Variants in IGF1R observed in about 807,000 individuals in gnomAD.
The protein encoded by IGF1R is insulin like growth factor 1 receptor.
In IGF1R, 44 loss-of-function variants were observed where a neutral mutation model predicts 144.6. That is an observed-to-expected ratio of 0.30 (90% CI 0.24 to 0.39). The LOEUF is 0.39. Among genes scored for constraint, IGF1R ranks in the 10% least tolerant of loss-of-function variants. IGF1R has a pLI of 1.00. For synonymous variants in IGF1R, 795 were observed against 722.8 expected (o/e 1.10, Z -1.60); for missense variants, 1,355 against 1,833.7 (o/e 0.74, Z 4.77).
At chr15:98,955,539 C>T (rs904097490) in intron 20 of IGF1R, among the ~76,000 whole-genome samples, 3 of 152,210 alleles carry the variant, frequency 2.0e-5, no homozygotes, top group Non-Finnish European at 4.4e-5. Context: ...CGGGCAGCCC[C>T]GGGTTAGGCC....
At position 98,960,236 on chromosome 15, in the gene IGF1R, CCT is replaced by C. The variant is rs1157674597; in HGVS notation, c.*2799_*2800del. Reference sequence around the variant, plus strand: ...CCGGGGTCAAAGCAACACTAACTCACCTCTCTGCTCATTTCAGACAGCTTGCC... The same window carrying C: ...CCGGGGTCAAAGCAACACTAACTCACCTCTGCTCATTTCAGACAGCTTGCC... On this transcript the variant is annotated 3_prime_UTR_variant, in exon 21 of 21. Transcript: ENST00000650285. 1 of 233,528 alleles carries C rather than the reference CCT, an allele frequency of 4.3e-6. No homozygotes were observed. Among genetic ancestry groups the C allele is most frequent in the African/African-American group, 2.2e-5 (1 of 45,364 alleles). 14.5% of individuals were successfully genotyped at this position (233,528 alleles called of 1,614,324 possible).
At chr15:98,694,132 C>T (rs977214534) in intron 1 of IGF1R, among the ~76,000 whole-genome samples, 3 of 152,112 alleles carry the variant, frequency 2.0e-5, no homozygotes, top group Admixed American at 1.3e-4. Flanking sequence ...TTTTATTCCT[C>T]TGGATTTTTT....
rs1366040895 is a variant in IGF1R, at chr15:98,911,371, A to G, written c.1519A>G (p.Ile507Val). 10 of 1,614,064 alleles carry G rather than the reference A, an allele frequency of 6.2e-6. No homozygotes were observed. The highest frequency in any genetic ancestry group is 2.2e-5 in the South Asian group (2 of 91,082). The change falls in exon 7 of 21, where the codon ATA (isoleucine) becomes GTA (valine). Residue 507 changes from isoleucine (I) to valine (V), a missense_variant. This residue lies in a region of IGF1R where 880 missense variants were observed against 1,202.7 expected (regional missense o/e 0.73). Coordinates refer to ENST00000650285, the MANE Select transcript of IGF1R (RefSeq NM_000875.5). ...STTTSKNRII[I>V]TWHRYRPPDY... The stretch of plus-strand genomic sequence containing the variant: ...CACCACGTCGAAGAATCGCATCATC[A>G]TAACCTGGCACCGGTACCGGCCCCC...
chr15:98,916,793 AGCCGAGAAGCAG>A lies in IGF1R; in HGVS notation c.2128_2139del (p.Gln710_Lys713del). On this transcript the variant is annotated inframe_deletion, in exon 10 of 21. Coordinates refer to ENST00000650285, the MANE Select transcript of IGF1R (RefSeq NM_000875.5). ...CTTGCTGCGCCTGCCCCAAAACTGA[AGCCGAGAAGCAG>A]GCCGAGAAGGAGGAGGCTGAATACC... 6.2e-7 allele frequency: 1 copy of A among 1,614,100 alleles called. No individual in the cohort carries two copies. The highest frequency in any genetic ancestry group is 8.5e-7 in the Non-Finnish European group (1 of 1,180,024).
At chr15:98,923,727 G>A (rs539557595) in intron 11 of IGF1R, 149 bp from the exon 12 acceptor site, 44 of 695,746 alleles carry the variant, frequency 6.3e-5, no homozygotes, top group African/African-American at 1.1e-4. Flanking sequence ...TGTCCTGCCC[G>A]CGTGGATGGG....
Position 98,957,164 on chromosome 15 carries a change from G to C in IGF1R, c.3826G>C (p.Glu1276Gln), listed in dbSNP as rs376681288. Residue 1276 changes from glutamate to glutamine, a missense_variant, in exon 21 of 21, where the codon GAG (glutamate) becomes CAG (glutamine). By Grantham distance (29) the Glu-to-Gln change is conservative. Around this residue, in one of 7 missense-constraint regions of IGF1R, gnomAD observed 219 missense variants for 188.8 expected, o/e 1.16. Coordinates refer to ENST00000650285, the MANE Select transcript of IGF1R (RefSeq NM_000875.5). ...AGAGGAGATGGAGCCTGGCTTCCGG[G>C]AGGTCTCCTTCTACTACAGCGAGGA... The part of the protein sequence containing the change: ...IKEEMEPGFR[E>Q]VSFYYSEENK... 2 of 1,614,252 alleles carry C rather than the reference G, an allele frequency of 1.2e-6. No homozygotes were observed. The highest frequency in any genetic ancestry group is 1.7e-6 in the Non-Finnish European group (2 of 1,180,056).
At chr15:98,776,171 T>A (rs2055708912) in intron 2 of IGF1R, among the ~76,000 whole-genome samples, 2 of 151,196 alleles carry the variant, frequency 1.3e-5, no homozygotes, top group South Asian at 4.1e-4. Flanking sequence ...AATTTAATTA[T>A]TTTTTATTAT....
At chr15:98,651,014 G>T (rs1314686744) in intron 1 of IGF1R, 1 of 985,164 alleles carries the variant, frequency 1.0e-6, no homozygotes, top group Non-Finnish European at 1.2e-6. Flanking sequence ...AAGATGGTAG[G>T]GTAATTTGAA....
At chr15:98,691,664 A>C (rs2053480348) in intron 1 of IGF1R, among the ~76,000 whole-genome samples, 1 of 151,996 alleles carries the variant, frequency 6.6e-6, no homozygotes, top group African/African-American at 2.4e-5. Context: ...TGCCCGGCCC[A>C]TGGTTTTCTT....
At chr15:98,850,871 T>C (rs994568745) in intron 2 of IGF1R, among the ~76,000 whole-genome samples, 2 of 152,074 alleles carry the variant, frequency 1.3e-5, no homozygotes, top group Non-Finnish European at 2.9e-5. Flanking sequence ...TTGGCAAGAC[T>C]TGATTGAGTG....
intron 7 of IGF1R, among the ~76,000 whole-genome samples, chr15:98,911,846 C>T (rs1478706052): frequency 1.3e-5 from 2 of 152,212 alleles, no homozygotes; most frequent in Non-Finnish European, 2.9e-5. Flanking sequence ...CCTGCAGGCA[C>T]GTGGCTCTTT....
Position 98,960,997 on chromosome 15 carries a change from G to A in IGF1R, c.*3555G>A, listed in dbSNP as rs1240683394. 3.0e-5 allele frequency: 7 copies of A among 233,700 alleles called. No individual in the cohort carries two copies. Among genetic ancestry groups the A allele is most frequent in the Non-Finnish European group, 5.9e-5 (7 of 118,118 alleles). The allele number at this position is 233,700 out of a possible 1,614,324, so 14.5% of individuals were successfully genotyped here. A position where few individuals can be genotyped will look rare whatever the true frequency, so the allele number is the denominator to read the frequency against. The stretch of plus-strand genomic sequence containing the variant: ...CCCTCTTCCAGCAGCTGCTCTTACA[G>A]GCACTGATGATTTCGCTGGGAAGTG... On this transcript the variant is annotated 3_prime_UTR_variant, in exon 21 of 21. Coordinates refer to ENST00000650285, the MANE Select transcript of IGF1R (RefSeq NM_000875.5).
chr15:98,745,519 G>A (rs2054842223), intron 2 of IGF1R, among the ~76,000 whole-genome samples: 1 of 152,220 alleles, frequency 6.6e-6, no homozygotes, highest in Non-Finnish European at 1.5e-5. Context: ...AAATAAGAGA[G>A]GACATCAGAA....
intron 1 of IGF1R, among the ~76,000 whole-genome samples, chr15:98,691,368 T>G (rs989060580): frequency 4.8e-5 from 3 of 62,146 alleles, no homozygotes; most frequent in East Asian, 3.2e-4. Flanking sequence ...GTTTTTTTTG[T>G]TTTTTTTTTT....
At chr15:98,928,798 C>T (rs2015826703) in intron 13 of IGF1R, among the ~76,000 whole-genome samples, 1 of 152,130 alleles carries the variant, frequency 6.6e-6, no homozygotes, top group South Asian at 2.1e-4. Flanking sequence ...CCCAGCCTAG[C>T]ATCTGCCATA....
intron 2 of IGF1R, among the ~76,000 whole-genome samples, chr15:98,800,068 G>A (rs2056329439): frequency 6.6e-6 from 1 of 152,172 alleles, no homozygotes; most frequent in Non-Finnish European, 1.5e-5. Flanking sequence ...AGGCTGCTGA[G>A]TCTAAAAAGT....
In IGF1R at chr15:98,961,192, T is replaced by A. The variant is rs1431446258; in HGVS notation, c.*3750T>A. ...GGGTTTTGTTCTTCCACACTGTAGG[T>A]GACCCCTTGGAATAACGGCCTCTCC... On this transcript the variant is annotated 3_prime_UTR_variant, in exon 21 of 21. Transcript: ENST00000650285. 4.3e-6 allele frequency: 1 copy of A among 233,504 alleles called. No individual in the cohort carries two copies. Among genetic ancestry groups the A allele is most frequent in the African/African-American group, 2.2e-5 (1 of 45,344 alleles). The allele number at this position is 233,504 out of a possible 1,614,324, so 14.5% of individuals were successfully genotyped here.
At chr15:98,795,651 C>A (rs1428493420) in intron 2 of IGF1R, among the ~76,000 whole-genome samples, 1 of 152,188 alleles carries the variant, frequency 6.6e-6, no homozygotes, top group East Asian at 1.9e-4. Flanking sequence ...CTCCTGACCT[C>A]GTGATCCACC....
intron 17 of IGF1R, among the ~76,000 whole-genome samples, chr15:98,938,341 G>A (rs1567211237): frequency 6.6e-6 from 1 of 152,174 alleles, no homozygotes; most frequent in Non-Finnish European, 1.5e-5. Flanking sequence ...AAGGTGTAGA[G>A]TCTGTTGCAC....
Sources: gnomAD v4.1 joint callset for allele counts (sites outside exome capture counted in the v4.1 genomes callset) on GRCh38, gnomAD v4.1.1 for gene constraint, gnomAD v4.1.1 regional missense constraint, MANE v1.5 for transcripts, NCBI Gene and HGNC (gene_info 2026-07-23, HGNC 2026-07-21) for gene names.